The following CHRNA5 variants were observed in gnomAD, a reference collection of about 807,000 sequenced individuals.
CHRNA5 encodes the protein neuronal acetylcholine receptor subunit alpha-5.
Under a neutral mutation model 41.2 loss-of-function variants are expected in CHRNA5, and 28 were observed. That is an observed-to-expected ratio of 0.68 (90% confidence interval 0.50 to 0.93). CHRNA5 has a LOEUF of 0.93. Ranked by LOEUF, CHRNA5 falls within the 40% of genes least tolerant of loss-of-function variation. The probability of loss-of-function intolerance (pLI) is 0.00; values close to 1 mark genes in which losing one functional copy is unlikely to be tolerated. For synonymous variants in CHRNA5, 188 were observed against 205.8 expected (o/e 0.91, Z 0.74); for missense variants, 481 against 581.9 (o/e 0.83, Z 1.78).
Position 78,586,573 on chromosome 15 carries a change from G to C in CHRNA5, c.259-72G>C, listed in dbSNP as rs907388147. ...AAGAAGAGTGTTTATATAACAATGT[G>C]AAATTTATTATTTAAAGAATTATTG... On this transcript the variant is annotated intron_variant, in intron 2 of 5. Coordinates refer to ENST00000299565, the Ensembl canonical transcript of CHRNA5. The C allele has an allele frequency of 5.4e-6, 5 of 922,296 alleles. No homozygotes were observed. The African/African-American group carries it at 8.5e-5, about 16-fold the overall frequency. The allele number at this position is 922,296 out of a possible 1,614,324, so 57.1% of individuals were successfully genotyped here.
At chr15:78,587,484 C>A (rs896463836) in intron 3 of CHRNA5, among the ~76,000 whole-genome samples, 6 of 151,564 alleles carry the variant, frequency 4.0e-5, no homozygotes, top group African/African-American at 1.5e-4. Context: ...CTGGTGTGTG[C>A]CTAGTGTGTT....
In CHRNA5 at chr15:78,586,991, A is replaced by G. The variant is rs141376668; in HGVS notation, c.303+302A>G. Among the ~76,000 whole-genome samples, 365 of 152,336 alleles carry G rather than the reference A, an allele frequency of 2.4e-3. 3 individuals carry two copies. Among genetic ancestry groups the G allele is most frequent in the African/African-American group, 8.0e-3 (333 of 41,576 alleles). Reference sequence around the variant, plus strand: ...TCCGTTCTCACACTGCTATAAGGACATACCCAAGGCTGGGTAATTTATAAA... The same window carrying G: ...TCCGTTCTCACACTGCTATAAGGACGTACCCAAGGCTGGGTAATTTATAAA... On this transcript the variant is annotated intron_variant, in intron 3 of 5. Coordinates refer to ENST00000299565, the Ensembl canonical transcript of CHRNA5.
At chr15:78,571,722 A>G (rs2052807320) in intron 1 of CHRNA5, among the ~76,000 whole-genome samples, 1 of 152,126 alleles carries the variant, frequency 6.6e-6, no homozygotes, top group African/African-American at 2.4e-5. Context: ...AAGTTTACTA[A>G]GGCATAGCAG....
chr15:78,583,353 T>A (rs1422335070), intron 2 of CHRNA5, among the ~76,000 whole-genome samples: 6 of 152,106 alleles, frequency 3.9e-5, no homozygotes, highest in Admixed American at 3.9e-4. Flanking sequence ...GAGGGAGGCA[T>A]CACATTTTGA....
Position 78,580,713 on chromosome 15 carries a change from T to G in CHRNA5, c.107-98T>G, listed in dbSNP as rs567889876. 2.9e-6 allele frequency: 3 copies of G among 1,028,464 alleles called. No individual in the cohort carries two copies. In the African/African-American group the frequency reaches 4.9e-5, roughly 17 times the overall value. 63.7% of individuals were successfully genotyped at this position (1,028,464 alleles called of 1,614,324 possible). On this transcript the variant is annotated intron_variant, in intron 1 of 5. Transcript: ENST00000299565. ...GTGCAGTGGCCCGATCTTGGCTCAC[T>G]GCAACCTTTGCCTCCTGGGTTTGAA...
At chr15:78,579,787 A>G (rs1364318715) in intron 1 of CHRNA5, among the ~76,000 whole-genome samples, 2 of 152,154 alleles carry the variant, frequency 1.3e-5, no homozygotes, top group Non-Finnish European at 1.5e-5. Context: ...GAGTAGCATC[A>G]GTAGATTGGG....
At chr15:78,575,459 T>A (rs1326241679) in intron 1 of CHRNA5, among the ~76,000 whole-genome samples, 1 of 152,216 alleles carries the variant, frequency 6.6e-6, no homozygotes, top group Non-Finnish European at 1.5e-5. Context: ...GTGGTTTATA[T>A]GCTATTAGCA....
In CHRNA5 at chr15:78,588,023, C is replaced by T. The variant is rs1194935822; in HGVS notation, c.304-291C>T. 2.0e-5 allele frequency among the ~76,000 whole-genome samples: 3 copies of T among 152,176 alleles called. No homozygotes were observed. The highest frequency in any genetic ancestry group is 2.9e-5 in the Non-Finnish European group (2 of 68,032). ...GAACCTGGATATTAAGTGCCTGTGG[C>T]TTCAAGTCCTGGATATAGTCAGTCA... On this transcript the variant is annotated intron_variant, in intron 3 of 5. Coordinates refer to ENST00000299565, the Ensembl canonical transcript of CHRNA5. The surrounding 1 kb of genome is among the most constrained non-coding windows in gnomAD (Gnocchi z 4.1).
rs941284367 is a variant in CHRNA5, at chr15:78,589,732, T to G, written c.414-73T>G. The G allele has an allele frequency of 9.2e-6, 11 of 1,189,984 alleles. No homozygotes were observed. In the Admixed American group the frequency reaches 2.8e-4, roughly 30 times the overall value. 73.7% of individuals were successfully genotyped at this position (1,189,984 alleles called of 1,614,324 possible). ...AATCAATGATAGGCCTGCTTTTATA[T>G]TAGGCTTATATTAATACAATTCATG... On this transcript the variant is annotated intron_variant, in intron 4 of 5. Coordinates refer to ENST00000299565, the Ensembl canonical transcript of CHRNA5.
intron 5 of CHRNA5, chr15:78,591,212 A>C (rs922103480): frequency 2.0e-5 from 3 of 152,458 alleles, no homozygotes; most frequent in African/African-American, 7.2e-5. Context: ...TTCTACTAAA[A>C]ATACAAAAAT....
Position 78,567,263 on chromosome 15 carries a change from A to AAAG in CHRNA5, c.106+1440_106+1441insGAA, listed in dbSNP as rs752882796. ...GCGAGACTCCGTCTCAAAAAAAAAA[A>AAAG]AAAAGAAAAGAAAAGAAATGGGGGT... On this transcript the variant is annotated intron_variant, in intron 1 of 5. Transcript: ENST00000299565. Among the ~76,000 whole-genome samples the AAAG allele has an allele frequency of 3.4e-5, 5 of 147,102 alleles. No individual in the cohort carries two copies. The East Asian group carries it at 9.9e-4, about 29-fold the overall frequency.
chr15:78,573,000 A>G (rs2052820565), intron 1 of CHRNA5, among the ~76,000 whole-genome samples: 1 of 152,208 alleles, frequency 6.6e-6, no homozygotes, highest in African/African-American at 2.4e-5. Context: ...CAATTATAGC[A>G]TCATTTTGAG....
chr15:78,574,807 C>A (rs1004205878), intron 1 of CHRNA5, among the ~76,000 whole-genome samples: 1 of 151,842 alleles, frequency 6.6e-6, no homozygotes, highest in African/African-American at 2.4e-5. Flanking sequence ...TGGCAAAACC[C>A]TGTCTCTACA....
At position 78,590,103 on chromosome 15, in the gene CHRNA5, C is replaced by T. The variant is rs747148242; in HGVS notation, c.712C>T (p.Pro238Ser). 8.1e-6 allele frequency: 13 copies of T among 1,614,180 alleles called. No homozygotes were observed. In the Admixed American group the frequency reaches 2.0e-4, roughly 25 times the overall value. ...CAGAACCGACAGCTGTTGCTGGTAT[C>T]CGTATGTCACTTACTCATTTGTAAT... Residue 238 changes from proline to serine, a missense_variant, in exon 5 of 6, where the codon CCG becomes TCG. Pro to Ser is a moderately conservative substitution (Grantham distance 74). Transcript: ENST00000299565.
At chr15:78,577,811 G>A (rs1451387406) in intron 1 of CHRNA5, among the ~76,000 whole-genome samples, 1 of 151,506 alleles carries the variant, frequency 6.6e-6, no homozygotes, top group Admixed American at 6.6e-5. Context: ...CACGCCTGTG[G>A]TCCCAGTTAC....
At chr15:78,571,992 CAA>C in intron 1 of CHRNA5, among the ~76,000 whole-genome samples, 1 of 150,948 alleles carries the variant, frequency 6.6e-6, no homozygotes, top group Admixed American at 6.6e-5. Flanking sequence ...ATTTTTTTTT[CAA>C]AAGAGTACAA....
Position 78,579,234 on chromosome 15 carries a change from ATTATTTG to A in CHRNA5, c.107-1574_107-1568del, listed in dbSNP as rs1309768576. ...CACATATACATACATTTATTTATTT[ATTATTTG>A]TTTGTTTGTTTGTTTGTTTGTTTGT... On this transcript the variant is annotated intron_variant, in intron 1 of 5. Coordinates refer to ENST00000299565, the Ensembl canonical transcript of CHRNA5. Among the ~76,000 whole-genome samples, 13 of 90,152 alleles carry A rather than the reference ATTATTTG, an allele frequency of 1.4e-4. No individual in the cohort carries two copies. In the South Asian group the frequency reaches 3.0e-3, roughly 21 times the overall value. 59.1% of individuals were successfully genotyped at this position (90,152 alleles called of 152,430 possible). A position where few individuals can be genotyped will look rare whatever the true frequency, so the allele number is the denominator to read the frequency against.
At chr15:78,572,087 T>C (rs1488580003) in intron 1 of CHRNA5, among the ~76,000 whole-genome samples, 3 of 152,162 alleles carry the variant, frequency 2.0e-5, no homozygotes, top group Non-Finnish European at 4.4e-5. Context: ...GATTATGAAT[T>C]GGGGAGGTAT....
At chr15:78,584,958 C>T (rs892182510) in intron 2 of CHRNA5, among the ~76,000 whole-genome samples, 1 of 152,114 alleles carries the variant, frequency 6.6e-6, no homozygotes, top group African/African-American at 2.4e-5. Flanking sequence ...CAGTTTCTGT[C>T]GCCTAGGCTG....
Sources: gnomAD v4.1 joint callset for allele counts (sites outside exome capture counted in the v4.1 genomes callset) on GRCh38, gnomAD v4.1.1 for gene constraint, Gnocchi (gnomAD v3.1) non-coding constraint, MANE v1.5 for transcripts, NCBI Gene and HGNC (gene_info 2026-07-23, HGNC 2026-07-21) for gene names.